Variants in GLI2 observed in about 807,000 individuals in gnomAD.
The protein encoded by GLI2 is GLI family zinc finger 2.
Under a neutral mutation model 78.9 loss-of-function variants are expected in GLI2, and 22 were observed. That is an observed-to-expected ratio of 0.28 (90% CI 0.20 to 0.40). The LOEUF (loss-of-function observed/expected upper bound fraction) is 0.40. GLI2 is among the 10% of genes least tolerant of loss of function. GLI2 has a pLI of 1.00. For synonymous variants in GLI2, 974 were observed against 963.7 expected (o/e 1.01, Z -0.20); for missense variants, 2,097 against 2,213.2 (o/e 0.95, Z 1.05).
chr2:120,748,812 AAG>A (rs1682772395), intron 1 of GLI2, among the ~76,000 whole-genome samples: 1 of 152,108 alleles, frequency 6.6e-6, no homozygotes, highest in African/African-American at 2.4e-5. Flanking sequence ...ATCCCCAGTC[AAG>A]ATTATAGGTT....
At chr2:120,964,785 C>T (rs1476113317) in intron 5 of GLI2, among the ~76,000 whole-genome samples, 2 of 152,212 alleles carry the variant, frequency 1.3e-5, no homozygotes, top group African/African-American at 4.8e-5. Context: ...AGTGGGAGGT[C>T]GAAAAGTGTT....
Position 120,737,336 on chromosome 2 carries a change from C to A in GLI2, c.-31+1051C>A, listed in dbSNP as rs1341943794. Among the ~76,000 whole-genome samples, 1 of 151,860 alleles carries A rather than the reference C, an allele frequency of 6.6e-6. No homozygotes were observed. Among genetic ancestry groups the A allele is most frequent in the Non-Finnish European group, 1.5e-5 (1 of 67,952 alleles). ...ATTTCCTAGGAAACCCGACTTTTAC[C>A]GCGCGGGGAGCTGGGGATGGAGCCC... On this transcript the variant is annotated intron_variant, in intron 1 of 13. Coordinates refer to ENST00000361492, the MANE Select transcript of GLI2 (RefSeq NM_001374353.1). This position sits in a 1 kb window ranked among gnomAD's most constrained non-coding sequence, Gnocchi z 4.3.
chr2:120,827,429 A>T (rs1165386367), intron 2 of GLI2, among the ~76,000 whole-genome samples: 1 of 152,256 alleles, frequency 6.6e-6, no homozygotes, highest in African/African-American at 2.4e-5. Flanking sequence ...CTCCTTGTGC[A>T]CTGCTGGTGG....
intron 2 of GLI2, among the ~76,000 whole-genome samples, chr2:120,879,693 C>T (rs896676888): frequency 3.9e-5 from 6 of 152,202 alleles, no homozygotes; most frequent in East Asian, 3.9e-4. Context: ...AGTCACTTAA[C>T]GGCTGGGCTG....
chr2:120,904,424 C>T (rs747660613), intron 2 of GLI2, among the ~76,000 whole-genome samples: 4 of 152,164 alleles, frequency 2.6e-5, no homozygotes, highest in Non-Finnish European at 5.9e-5. Context: ...GCTCTGAGAG[C>T]CTGTCGGTCC....
intron 1 of GLI2, among the ~76,000 whole-genome samples, chr2:120,740,041 A>T (rs905241466): frequency 6.6e-6 from 1 of 152,064 alleles, no homozygotes; most frequent in Non-Finnish European, 1.5e-5. Flanking sequence ...AACACACAAC[A>T]CCGGATTCAA....
chr2:120,773,115 G>A (rs1683569310), intron 1 of GLI2, among the ~76,000 whole-genome samples: 1 of 152,202 alleles, frequency 6.6e-6, no homozygotes, highest in African/African-American at 2.4e-5. Context: ...GTGCTTTCCT[G>A]TGACAAACAA....
intron 8 of GLI2, chr2:120,972,538 C>T: frequency 2.2e-6 from 1 of 464,072 alleles, no homozygotes; most frequent in Non-Finnish European, 4.3e-6. Flanking sequence ...GGCCCACACA[C>T]CCAGCCTAGC....
In GLI2 at chr2:120,989,219, C is replaced by A; in HGVS notation, c.3254C>A (p.Pro1085Gln). The change falls in exon 14 of 14, where the codon CCG becomes CAG. Residue 1085 changes from proline (P) to glutamine (Q), a missense_variant. By Grantham distance (76) the Pro-to-Gln change is moderately conservative. Around this residue, in one of 5 missense-constraint regions of GLI2, gnomAD observed 1,290 missense variants for 1,261.7 expected, o/e 1.02. Transcript: ENST00000361492. Reference sequence around the variant, plus strand: ...TCTGACAACCCCAGACTACCCAGCCCGGGGCTGCACGGCCAGCGCAGGATG... The same window carrying A: ...TCTGACAACCCCAGACTACCCAGCCAGGGGCTGCACGGCCAGCGCAGGATG... Reference protein sequence around the residue: ...GFSDNPRLPSPGLHGQRRMVA... With the variant: ...GFSDNPRLPSQGLHGQRRMVA... 1.9e-6 allele frequency: 3 copies of A among 1,613,178 alleles called. No homozygotes were observed. Among genetic ancestry groups the A allele is most frequent in the Non-Finnish European group, 2.5e-6 (3 of 1,180,014 alleles).
At chr2:120,826,377 C>T (rs370230976) in intron 2 of GLI2, among the ~76,000 whole-genome samples, 102 of 152,304 alleles carry the variant, frequency 6.7e-4, no homozygotes, top group African/African-American at 2.3e-3. Flanking sequence ...TATTCAGCTT[C>T]TGATGTTTAT....
chr2:120,822,347 A>G (rs1456958547), intron 2 of GLI2, among the ~76,000 whole-genome samples: 1 of 152,226 alleles, frequency 6.6e-6, no homozygotes, highest in Non-Finnish European at 1.5e-5. Context: ...AGGGACAGGG[A>G]CAAAATGACC....
At chr2:120,916,226 C>T (rs749425612) in intron 2 of GLI2, among the ~76,000 whole-genome samples, 7 of 152,252 alleles carry the variant, frequency 4.6e-5, no homozygotes, top group African/African-American at 9.6e-5. Context: ...GTACCTCTTA[C>T]TATGTGTATT....
chr2:120,877,421 C>T (rs1259116515), intron 2 of GLI2, among the ~76,000 whole-genome samples: 2 of 152,152 alleles, frequency 1.3e-5, no homozygotes, highest in African/African-American at 4.8e-5. Context: ...AAGTGGAGGG[C>T]GTGGTGAATT....
At chr2:120,956,175 G>A (rs937750059) in intron 5 of GLI2, among the ~76,000 whole-genome samples, 5 of 152,174 alleles carry the variant, frequency 3.3e-5, no homozygotes, top group African/African-American at 9.7e-5. Flanking sequence ...CAGGTCTTGG[G>A]AAGACCTTGA....
intron 5 of GLI2, among the ~76,000 whole-genome samples, chr2:120,956,983 C>G (rs896544685): frequency 6.6e-6 from 1 of 152,214 alleles, no homozygotes; most frequent in Non-Finnish European, 1.5e-5. Context: ...CCCTGCCCCC[C>G]TCAGTCACTG....
intron 2 of GLI2, among the ~76,000 whole-genome samples, chr2:120,820,354 T>C (rs1257645144): frequency 1.3e-5 from 2 of 152,206 alleles, no homozygotes; most frequent in Non-Finnish European, 2.9e-5. Context: ...CTGTGCACTT[T>C]CATCCAGCTG....
chr2:120,989,709 G>A lies in GLI2; in HGVS notation c.3744G>A (p.Gln1248=). 8.7e-6 allele frequency: 14 copies of A among 1,613,280 alleles called. No individual in the cohort carries two copies. The highest frequency in any genetic ancestry group is 1.1e-5 in the Non-Finnish European group (13 of 1,180,000). Reference sequence around the variant, plus strand: ...GCACCATCAGTGGGGCCCTCAACCAGTTCCCCCAATCCTGCAGCAACATGC... The same window carrying A: ...GCACCATCAGTGGGGCCCTCAACCAATTCCCCCAATCCTGCAGCAACATGC... ...SPSTISGALN[Q]FPQSCSNMPA... Residue 1248 remains glutamine, a synonymous_variant, in exon 14 of 14, where the codon CAG becomes CAA. Transcript: ENST00000361492.
rs1383258480 is a variant in GLI2, at chr2:120,990,227, G to A, written c.4262G>A (p.Gly1421Glu). 6.2e-7 allele frequency: 1 copy of A among 1,613,628 alleles called. No individual in the cohort carries two copies. ...CAGCCGCCTCCGCAGGACGCAGGTG[G>A]GGCCCCGGACCACAGCATGCTCTAC... ...PPQPPPQDAG[G>E]APDHSMLYYY... Residue 1421 changes from glycine (G) to glutamate (E), a missense_variant, in exon 14 of 14, where the codon GGG becomes GAG. Transcript: ENST00000361492.
chr2:120,748,742 T>G (rs1304475506), intron 1 of GLI2, among the ~76,000 whole-genome samples: 1 of 152,168 alleles, frequency 6.6e-6, no homozygotes, highest in East Asian at 1.9e-4. Context: ...TTGGGCTCAG[T>G]TTCTAAAGTT....
Sources: gnomAD v4.1 joint callset for allele counts (sites outside exome capture counted in the v4.1 genomes callset) on GRCh38, gnomAD v4.1.1 for gene constraint, gnomAD v4.1.1 regional missense constraint, Gnocchi (gnomAD v3.1) non-coding constraint, MANE v1.5 for transcripts, NCBI Gene and HGNC (gene_info 2026-07-23, HGNC 2026-07-21) for gene names.